The following CLEC6A variants were observed in gnomAD, a reference collection of about 807,000 sequenced individuals.
CLEC6A encodes C-type lectin domain containing 6A.
CLEC6A carries 22 observed loss-of-function variants against 25.7 expected under a neutral mutation model. The ratio of observed to expected loss-of-function variants is 0.85; its 90% confidence interval spans 0.61 to 1.22. The LOEUF is 1.22. Ranked by LOEUF, CLEC6A falls within the 50% of genes most tolerant of loss-of-function variation. The pLI is 0.00. For missense variants in CLEC6A, 240 were observed against 236.8 expected (o/e 1.01, Z -0.09); for synonymous variants, 92 against 76.7 (o/e 1.20, Z -1.04).
intron 5 of CLEC6A, 31 bp downstream of exon 5, chr12:8,476,271 A>T: frequency 7.8e-7 from 1 of 1,283,576 alleles, no homozygotes. Flanking sequence ...TTGTTTACAT[A>T]GAAAATCTAG....
intron 3 of CLEC6A, chr12:8,460,998 A>C: frequency 7.4e-7 from 1 of 1,350,510 alleles, no homozygotes; most frequent in Non-Finnish European, 1.0e-6. Flanking sequence ...ATTCCACATA[A>C]AAATTTTTGG....
chr12:8,476,219 C>G lies in CLEC6A; in HGVS notation c.464C>G (p.Thr155Arg). The G allele has an allele frequency of 6.2e-7, 1 of 1,603,078 alleles. No individual in the cohort carries two copies. The highest frequency in any genetic ancestry group is 8.5e-7 in the Non-Finnish European group (1 of 1,175,504). ...AATAATTGGCAATGGATTGATAAGACACCTTATGAGAAAAATGTCAGGTGA... is the reference window on the plus strand; with the variant it reads ...AATAATTGGCAATGGATTGATAAGAGACCTTATGAGAAAAATGTCAGGTGA... ...GNNNWQWIDK[T>R]PYEKNVRFWH... The change falls in exon 5 of 6, where the codon ACA becomes AGA. Residue 155 changes from threonine to arginine, a missense_variant. Physicochemically the swap from Thr to Arg is moderately conservative, Grantham distance 71. Coordinates refer to ENST00000382073, the MANE Select transcript of CLEC6A (RefSeq NM_001007033.2).
In CLEC6A at chr12:8,473,263, G is replaced by A. The variant is rs1939929197; in HGVS notation, c.370-2862G>A. On this transcript the variant is annotated intron_variant, in intron 4 of 5. Coordinates refer to ENST00000382073, the MANE Select transcript of CLEC6A (RefSeq NM_001007033.2). ...CCCGTCTCGGCCTCCCAAAGTGCTGGGATTACAGGCGTGAGCCACCGCGCC... is the reference window on the plus strand; with the variant it reads ...CCCGTCTCGGCCTCCCAAAGTGCTGAGATTACAGGCGTGAGCCACCGCGCC... Among the ~76,000 whole-genome samples, 2 of 8,226 alleles carry A rather than the reference G, an allele frequency of 2.4e-4. 1 individual carries two copies. Among genetic ancestry groups the A allele is most frequent in the Non-Finnish European group, 8.1e-4 (2 of 2,458 alleles). The allele number at this position is 8,226 out of a possible 152,430, so 5.4% of individuals were successfully genotyped here. A position where few individuals can be genotyped will look rare whatever the true frequency, so the allele number is the denominator to read the frequency against.
chr12:8,473,607 G>A (rs1159089537), intron 4 of CLEC6A, among the ~76,000 whole-genome samples: 2 of 152,076 alleles, frequency 1.3e-5, no homozygotes, highest in South Asian at 4.1e-4. Context: ...TGGGATTTCT[G>A]GGTTGAATGG....
At chr12:8,463,660 T>A (rs1033634285) in intron 3 of CLEC6A, among the ~76,000 whole-genome samples, 1 of 152,210 alleles carries the variant, frequency 6.6e-6, no homozygotes, top group African/African-American at 2.4e-5. Flanking sequence ...AGAAATATTA[T>A]AGAATAATTT....
Position 8,473,631 on chromosome 12 carries a change from T to C in CLEC6A, c.370-2494T>C, listed in dbSNP as rs115383256. Among the ~76,000 whole-genome samples the C allele has an allele frequency of 8.3e-3, 1,261 of 152,238 alleles. 23 individuals are homozygous for C. The highest frequency in any genetic ancestry group is 0.029 in the African/African-American group (1,215 of 41,548). ...TGGGTTGAATGGTACTTCTGTTTTA[T>C]GTTTTTTGAGAAATCTCCAAATTGC... On this transcript the variant is annotated intron_variant, in intron 4 of 5. Transcript: ENST00000382073.
intron 4 of CLEC6A, among the ~76,000 whole-genome samples, chr12:8,475,441 G>A (rs1939961415): frequency 6.6e-6 from 1 of 151,926 alleles, no homozygotes; most frequent in Non-Finnish European, 1.5e-5. Flanking sequence ...CGTAGGCTAA[G>A]AAGTCCTGCA....
At chr12:8,470,314 G>T (rs1177310537) in intron 4 of CLEC6A, among the ~76,000 whole-genome samples, 2 of 152,022 alleles carry the variant, frequency 1.3e-5, no homozygotes, top group South Asian at 4.1e-4. Flanking sequence ...GCTGAAAAGG[G>T]AATACTTTTA....
chr12:8,460,142 C>G (rs1939733601), intron 3 of CLEC6A, among the ~76,000 whole-genome samples: 1 of 152,192 alleles, frequency 6.6e-6, no homozygotes, highest in African/African-American at 2.4e-5. Context: ...CTGTTGTTAA[C>G]TTCATATGCG....
chr12:8,460,556 G>A, intron 3 of CLEC6A: 1 of 828,352 alleles, frequency 1.2e-6, no homozygotes, highest in Non-Finnish European at 2.0e-6. Flanking sequence ...AACCATATCA[G>A]TCAGCTTCAT....
At chr12:8,477,065 G>A (rs867078853) in intron 5 of CLEC6A, among the ~76,000 whole-genome samples, 3 of 152,100 alleles carry the variant, frequency 2.0e-5, no homozygotes, top group Non-Finnish European at 1.5e-5. Context: ...GCTCTGTAAA[G>A]AGGAAGATGA....
At chr12:8,467,988 C>A (rs979876172) in intron 4 of CLEC6A, among the ~76,000 whole-genome samples, 3 of 152,048 alleles carry the variant, frequency 2.0e-5, no homozygotes, top group Admixed American at 1.3e-4. Flanking sequence ...TGTCACCAGG[C>A]TGGAGTGCAG....
At chr12:8,474,054 G>C (rs2136366500) in intron 4 of CLEC6A, among the ~76,000 whole-genome samples, 1 of 152,042 alleles carries the variant, frequency 6.6e-6, no homozygotes, top group South Asian at 2.1e-4. Context: ...AGTTTCTTTT[G>C]CTAAGAAGCA....
At position 8,460,596 on chromosome 12, in the gene CLEC6A, G is replaced by A. The variant is rs187114357; in HGVS notation, c.223+898G>A. 45 of 1,152,130 alleles carry A rather than the reference G, an allele frequency of 3.9e-5. 1 individual carries two copies. The highest frequency in any genetic ancestry group is 1.5e-4 in the South Asian group (12 of 80,878). 71.4% of individuals were successfully genotyped at this position (1,152,130 alleles called of 1,614,324 possible). On this transcript the variant is annotated intron_variant, in intron 3 of 5. Coordinates refer to ENST00000382073, the MANE Select transcript of CLEC6A (RefSeq NM_001007033.2). ...AAGGGGAAGAGCCTTTCTGTCTGGC[G>A]GAAGCCATCACATAAGTCAAGATGG...
In CLEC6A at chr12:8,456,531, T is replaced by C. The variant is rs757159689; in HGVS notation, c.31+389T>C. ...TTTTTGTACTTGCTTTTCTAATTTT[T>C]TTGTAAGAGAAAAGCTTCCCATTTT... On this transcript the variant is annotated intron_variant, in intron 1 of 5. Transcript: ENST00000382073. Among the ~76,000 whole-genome samples, 8 of 152,328 alleles carry C rather than the reference T, an allele frequency of 5.3e-5. No individual in the cohort carries two copies. The South Asian group carries it at 1.7e-3, about 32-fold the overall frequency.
chr12:8,456,229 T>C, intron 1 of CLEC6A, 87 bp downstream of exon 1: 1 of 1,340,762 alleles, frequency 7.5e-7, no homozygotes, highest in South Asian at 1.2e-5. Context: ...AAGAACAGAT[T>C]GAAGAGCTAG....
intron 4 of CLEC6A, among the ~76,000 whole-genome samples, chr12:8,472,647 A>G (rs1314373449): frequency 2.0e-5 from 3 of 152,152 alleles, no homozygotes; most frequent in Non-Finnish European, 4.4e-5. Flanking sequence ...TACAAAGGCA[A>G]TTTGGTTCAT....
intron 4 of CLEC6A, among the ~76,000 whole-genome samples, chr12:8,475,749 C>A (rs1489786422): frequency 6.6e-6 from 1 of 152,054 alleles, no homozygotes; most frequent in Non-Finnish European, 1.5e-5. Flanking sequence ...TCTGAAAACA[C>A]CCTAACTCTC....
chr12:8,467,273 A>G (rs1177080847), intron 4 of CLEC6A, among the ~76,000 whole-genome samples: 1 of 152,098 alleles, frequency 6.6e-6, no homozygotes, highest in Non-Finnish European at 1.5e-5. Context: ...GCTAATTTCA[A>G]TGTCATGAAT....
Sources: gnomAD v4.1 joint callset for allele counts (sites outside exome capture counted in the v4.1 genomes callset) on GRCh38, gnomAD v4.1.1 for gene constraint, MANE v1.5 for transcripts, NCBI Gene and HGNC (gene_info 2026-07-23, HGNC 2026-07-21) for gene names.